DNAH6: variants seen among roughly 807,000 people sequenced by gnomAD.
DNAH6 encodes axonemal beta dynein heavy chain 6.
In DNAH6, 340 loss-of-function variants were observed where a neutral mutation model predicts 491.4. That is an observed-to-expected ratio of 0.69 (90% CI 0.63 to 0.76). The LOEUF (loss-of-function observed/expected upper bound fraction) is 0.76, where lower values mean the gene tolerates loss of function less well. Among genes scored for constraint, DNAH6 ranks in the 30% least tolerant of loss-of-function variants. DNAH6 has a pLI of 0.00. For missense variants in DNAH6, 4,443 were observed against 4,972.2 expected (o/e 0.89, Z 3.20); for synonymous variants, 1,603 against 1,686.1 (o/e 0.95, Z 1.21).
intron 64 of DNAH6, among the ~76,000 whole-genome samples, chr2:84,770,818 A>G (rs1444951703): frequency 6.7e-6 from 1 of 148,190 alleles, no homozygotes; most frequent in Admixed American, 6.8e-5. Flanking sequence ...CCCTGCCTCT[A>G]CAAAAAATAA....
intron 70 of DNAH6, among the ~76,000 whole-genome samples, chr2:84,801,088 G>T (rs1186876290): frequency 1.7e-5 from 2 of 117,786 alleles, no homozygotes; most frequent in Admixed American, 1.0e-4. Flanking sequence ...ACACTCTGGG[G>T]ACTGTGGTGG....
At position 84,519,568 on chromosome 2, in the gene DNAH6, C is replaced by T. The variant is rs78848332; in HGVS notation, c.225+1517C>T. Among the ~76,000 whole-genome samples, 1,404 of 151,834 alleles carry T rather than the reference C, an allele frequency of 9.2e-3. 25 individuals carry two copies. The highest frequency in any genetic ancestry group is 0.033 in the African/African-American group (1,352 of 41,420). On this transcript the variant is annotated intron_variant, in intron 2 of 76. Coordinates refer to ENST00000389394, the MANE Select transcript of DNAH6 (RefSeq NM_001370.2). ...TATTTTTGTTATTGACTTCCCTCCC[C>T]TCAACTGCCTTCTCCTCTCCCTTTC... is the stretch of plus-strand genomic sequence containing the variant.
rs544215101 is a variant in DNAH6 at position 84,521,094 on chromosome 2, C to T, written c.225+3043C>T. Among the ~76,000 whole-genome samples the T allele has an allele frequency of 5.3e-5, 8 of 151,910 alleles. No homozygotes were observed. The South Asian group carries it at 1.7e-3, about 32-fold the overall frequency. ...TCTAGCTTTTTACACTTAATGGTGG[C>T]ATAGTATCTGATTGTATGAATATTC... On this transcript the variant is annotated intron_variant, in intron 2 of 76. Coordinates refer to ENST00000389394, the MANE Select transcript of DNAH6 (RefSeq NM_001370.2).
At position 84,733,494 on chromosome 2, in the gene DNAH6, C is replaced by T. The variant is rs1270819019; in HGVS notation, c.10257C>T (p.Phe3419=). ...EAPWLPTATW[F]ACCDLEESFP... ...CCTGGCTACCTACTGCTACATGGTT[C>T]GCATGCTGTGACTTGGAAGAATCAT... is the stretch of plus-strand genomic sequence containing the variant. The change falls in exon 62 of 77, where the codon TTC becomes TTT. Residue 3419 remains phenylalanine (F), a synonymous_variant. Coordinates refer to ENST00000389394, the MANE Select transcript of DNAH6 (RefSeq NM_001370.2). The T allele has an allele frequency of 3.2e-6, 5 of 1,551,318 alleles. No homozygotes were observed. The Admixed American group carries it at 5.9e-5, about 18-fold the overall frequency.
chr2:84,628,387 G>T (rs1354791313), intron 29 of DNAH6, among the ~76,000 whole-genome samples: 1 of 152,070 alleles, frequency 6.6e-6, no homozygotes, highest in Admixed American at 6.5e-5. Flanking sequence ...GCTTTTTCCG[G>T]TTCCTGACAA....
intron 16 of DNAH6, among the ~76,000 whole-genome samples, chr2:84,591,545 A>G (rs1166342369): frequency 6.6e-6 from 1 of 152,200 alleles, no homozygotes; most frequent in African/African-American, 2.4e-5. Flanking sequence ...AAAGTGACTT[A>G]TACATTCAAT....
the DNAH6 span, among the ~76,000 whole-genome samples, chr2:84,481,122 A>T: frequency 6.6e-5 from 10 of 152,170 alleles, 1 homozygote; most frequent in African/African-American, 2.4e-4. Context: ...GTGTACTTGT[A>T]GGGCCAGATG....
intron 37 of DNAH6, among the ~76,000 whole-genome samples, chr2:84,668,446 T>C (rs1002599713): frequency 7.9e-5 from 12 of 152,320 alleles, no homozygotes; most frequent in Middle Eastern, 6.8e-3. Flanking sequence ...ATGAAACTTC[T>C]GAAATGCAGT....
At chr2:84,513,245 T>C (rs1015835217), upstream of DNAH6, among the ~76,000 whole-genome samples, 6 of 152,124 alleles carry the variant, frequency 3.9e-5, no homozygotes, top group South Asian at 4.1e-4. Context: ...TGGTTGAAAA[T>C]TGGATATTGG....
chr2:84,531,205 T>TCACTG (rs1677136559), intron 4 of DNAH6, among the ~76,000 whole-genome samples: 1 of 152,118 alleles, frequency 6.6e-6, no homozygotes, highest in Non-Finnish European at 1.5e-5. Context: ...GAGATATGCA[T>TCACTG]TTATCCCAGT....
chr2:84,795,353 C>A (rs908441953), intron 68 of DNAH6, among the ~76,000 whole-genome samples: 1 of 151,876 alleles, frequency 6.6e-6, no homozygotes, highest in Non-Finnish European at 1.5e-5. Context: ...TAAATTTAAT[C>A]TGTTTAGTGC....
chr2:84,605,761 G>A (rs761461228), intron 20 of DNAH6, among the ~76,000 whole-genome samples, 169 bp downstream of exon 20: 5 of 152,158 alleles, frequency 3.3e-5, no homozygotes, highest in African/African-American at 7.2e-5. Flanking sequence ...ATGCTTGTAC[G>A]TGAAATATTT....
intron 21 of DNAH6, among the ~76,000 whole-genome samples, chr2:84,610,982 T>A (rs1247336279): frequency 1.3e-5 from 2 of 152,126 alleles, no homozygotes; most frequent in African/African-American, 4.8e-5. Flanking sequence ...CAGGAAGTGG[T>A]TGTAACATTT....
intron 18 of DNAH6, among the ~76,000 whole-genome samples, chr2:84,602,482 C>CTTTTTTTTTTTT (rs3029846): frequency 3.1e-5 from 1 of 32,000 alleles, no homozygotes; most frequent in African/African-American, 1.4e-4. Flanking sequence ...TGTTGTGTCC[C>CTTTTTTTTTTTT]TTTTTTTTTT....
At chr2:84,530,139 C>G (rs1045325042) in intron 4 of DNAH6, among the ~76,000 whole-genome samples, 1 of 152,112 alleles carries the variant, frequency 6.6e-6, no homozygotes, top group Non-Finnish European at 1.5e-5. Context: ...CCATCCATAT[C>G]AAAATTGTTG....
At chr2:84,658,974 C>A (rs1372384372) in intron 36 of DNAH6, 52 bp from the exon 37 acceptor site, 5 of 1,145,992 alleles carry the variant, frequency 4.4e-6, no homozygotes, top group South Asian at 1.6e-5. Context: ...GCTTAGGATT[C>A]TTTTTATGTT....
intron 11 of DNAH6, among the ~76,000 whole-genome samples, chr2:84,567,066 G>T (rs556422479): frequency 6.6e-6 from 1 of 152,136 alleles, no homozygotes; most frequent in South Asian, 2.1e-4. Context: ...ATCTAACTAT[G>T]ACTTAAAAAT....
At chr2:84,548,469 AT>A (rs1340557738) in intron 8 of DNAH6, 52 bp downstream of exon 8, 2 of 1,602,732 alleles carry the variant, frequency 1.2e-6, no homozygotes, top group Non-Finnish European at 8.5e-7. Context: ...CTTAAGCTGC[AT>A]TAAAAATTAA....
At chr2:84,783,506 GT>G (rs1344262257) in intron 65 of DNAH6, among the ~76,000 whole-genome samples, 1 of 152,146 alleles carries the variant, frequency 6.6e-6, no homozygotes, top group African/African-American at 2.4e-5. Flanking sequence ...TTGCCTAATA[GT>G]TTTTACTATG....
Sources: gnomAD v4.1 joint callset for allele counts (sites outside exome capture counted in the v4.1 genomes callset) on GRCh38, gnomAD v4.1.1 for gene constraint, MANE v1.5 for transcripts, NCBI Gene and HGNC (gene_info 2026-07-23, HGNC 2026-07-21) for gene names.